The following AUTS2 variants were observed in gnomAD, a reference collection of about 807,000 sequenced individuals.
AUTS2 encodes the protein autism susceptibility gene 2 protein.
In AUTS2, 17 loss-of-function variants were observed where a neutral mutation model predicts 112.4. That is an observed-to-expected ratio of 0.15 (90% CI 0.10 to 0.23). AUTS2 has a LOEUF of 0.23. Among genes scored for constraint, AUTS2 ranks in the 10% least tolerant of loss-of-function variants. The pLI, the probability that AUTS2 is intolerant of heterozygous loss-of-function variation, is 1.00. For missense variants in AUTS2, 1,510 were observed against 1,701.6 expected, an observed-to-expected ratio of 0.89 and a Z score of 1.98; for synonymous variants, 751 against 702.7, an observed-to-expected ratio of 1.07 and a Z score of -1.09.
intron 2 of AUTS2, among the ~76,000 whole-genome samples, chr7:70,038,048 G>A (rs1801086414): frequency 6.8e-6 from 1 of 147,804 alleles, no homozygotes; most frequent in Admixed American, 7.0e-5. Flanking sequence ...GCAGGAATGA[G>A]GCAGTGGGTA....
intron 6 of AUTS2, among the ~76,000 whole-genome samples, chr7:70,708,917 C>CTTTT (rs34290500): frequency 1.5e-5 from 2 of 134,642 alleles, no homozygotes; most frequent in African/African-American, 2.8e-5. Context: ...TGTTTAAATA[C>CTTTT]TTTTTTTTTT....
At chr7:70,662,302 G>A (rs1807118121) in intron 5 of AUTS2, among the ~76,000 whole-genome samples, 1 of 152,216 alleles carries the variant, frequency 6.6e-6, no homozygotes, top group Non-Finnish European at 1.5e-5. Context: ...GCTTTATCCT[G>A]GAACAGGCAC....
At chr7:69,899,022 T>C (rs1310759333) in intron 1 of AUTS2, among the ~76,000 whole-genome samples, 1 of 152,194 alleles carries the variant, frequency 6.6e-6, no homozygotes, top group Non-Finnish European at 1.5e-5. Flanking sequence ...CAGGGAGCAG[T>C]GAAATCACTT....
At chr7:70,608,392 A>C (rs951124126) in intron 5 of AUTS2, among the ~76,000 whole-genome samples, 3 of 152,200 alleles carry the variant, frequency 2.0e-5, no homozygotes, top group Admixed American at 2.0e-4. Flanking sequence ...GGTGTGAGTC[A>C]CTGCATCCAG....
At chr7:69,632,706 G>A (rs561682312) in intron 1 of AUTS2, among the ~76,000 whole-genome samples, 10 of 151,110 alleles carry the variant, frequency 6.6e-5, no homozygotes, top group Non-Finnish European at 1.3e-4. Context: ...GCCAGCTCAC[G>A]TTTGCTAGTT....
Position 70,764,921 on chromosome 7 carries a change from C to T in AUTS2, c.1384C>T (p.Pro462Ser), listed in dbSNP as rs772174582. The change falls in exon 8 of 19, where the codon CCT becomes TCT. Residue 462 changes from proline to serine, a missense_variant. Pro to Ser is a moderately conservative substitution (Grantham distance 74). Coordinates refer to ENST00000342771, the MANE Select transcript of AUTS2 (RefSeq NM_015570.4). ...AHSHHPNMFAPPTALPPPPPL... is the reference protein window; with the variant it reads ...AHSHHPNMFASPTALPPPPPL... ...CTCACATCACCCCAATATGTTTGCC[C>T]CTCCCACTGCTCTGCCTCCTCCACC... 5 of 1,611,766 alleles carry T rather than the reference C, an allele frequency of 3.1e-6. No individual in the cohort carries two copies. Among genetic ancestry groups the T allele is most frequent in the Admixed American group, 3.3e-5 (2 of 59,794 alleles).
intron 1 of AUTS2, among the ~76,000 whole-genome samples, chr7:69,815,317 GATATCTATATATCTAT>G (rs888443035): frequency 6.6e-6 from 1 of 152,182 alleles, no homozygotes; most frequent in African/African-American, 2.4e-5. Context: ...AGGAGATATA[GATATCTATATATCTAT>G]ATATCTATAT....
At chr7:70,681,157 G>C (rs1808185271) in intron 5 of AUTS2, among the ~76,000 whole-genome samples, 1 of 152,160 alleles carries the variant, frequency 6.6e-6, no homozygotes, top group Non-Finnish European at 1.5e-5. Flanking sequence ...GCCAGCACAG[G>C]CCCATCCCAT....
At chr7:70,325,887 C>G (rs1234657603) in intron 4 of AUTS2, among the ~76,000 whole-genome samples, 1 of 152,206 alleles carries the variant, frequency 6.6e-6, no homozygotes. Flanking sequence ...CCAGCACAAG[C>G]CATCTGTCTG....
chr7:70,441,848 A>T (rs1257822257), intron 5 of AUTS2, among the ~76,000 whole-genome samples: 1 of 152,182 alleles, frequency 6.6e-6, no homozygotes, highest in Non-Finnish European at 1.5e-5. Flanking sequence ...AGGAGTCAGA[A>T]ACTGCTGAGA....
intron 5 of AUTS2, among the ~76,000 whole-genome samples, chr7:70,660,176 C>G (rs1284176707): frequency 7.8e-6 from 1 of 127,612 alleles, no homozygotes; most frequent in Non-Finnish European, 1.7e-5. Flanking sequence ...GACTCTGTCT[C>G]AAAAAAAAAA....
chr7:69,899,638 G>C (rs772845509), intron 2 of AUTS2, 140 bp downstream of exon 2: 3 of 766,532 alleles, frequency 3.9e-6, no homozygotes, highest in African/African-American at 3.5e-5. Context: ...AGCTGTGTGC[G>C]TGCCTTTAAA....
chr7:69,762,555 C>T (rs758779741), intron 1 of AUTS2, among the ~76,000 whole-genome samples: 1 of 151,834 alleles, frequency 6.6e-6, no homozygotes. Flanking sequence ...GCCATCTGCC[C>T]GCTTCGGCCT....
At chr7:70,568,007 C>G (rs114767853) in intron 5 of AUTS2, among the ~76,000 whole-genome samples, 1 of 152,158 alleles carries the variant, frequency 6.6e-6, no homozygotes, top group Admixed American at 6.5e-5. Context: ...AACATGGTAC[C>G]TGGAGATAGA....
chr7:70,233,790 A>G (rs1174631491), intron 4 of AUTS2, among the ~76,000 whole-genome samples: 1 of 152,210 alleles, frequency 6.6e-6, no homozygotes, highest in Non-Finnish European at 1.5e-5. Context: ...GGAATTTCCC[A>G]TTGCTGGTAA....
At chr7:70,269,291 G>A (rs760522999) in intron 4 of AUTS2, among the ~76,000 whole-genome samples, 5 of 152,212 alleles carry the variant, frequency 3.3e-5, no homozygotes, top group Non-Finnish European at 7.3e-5. Flanking sequence ...CCTTGCTGCA[G>A]TTCTGGCTCT....
At chr7:70,681,587 C>T (rs773740720) in intron 5 of AUTS2, among the ~76,000 whole-genome samples, 2 of 151,806 alleles carry the variant, frequency 1.3e-5, no homozygotes, top group Non-Finnish European at 2.9e-5. Context: ...AGGATTTCAG[C>T]GGTAGGCAAA....
At chr7:69,861,628 G>A (rs573084161) in intron 1 of AUTS2, among the ~76,000 whole-genome samples, 9 of 152,272 alleles carry the variant, frequency 5.9e-5, no homozygotes, top group African/African-American at 1.7e-4. Flanking sequence ...CAGATTTAAC[G>A]TTTGTTAATT....
At chr7:70,596,873 T>G (rs1803238987) in intron 5 of AUTS2, 1 of 152,146 alleles carries the variant, frequency 6.6e-6, no homozygotes, top group African/African-American at 2.4e-5. Flanking sequence ...TTTAAGCACA[T>G]TGTCTGATAG....
Sources: allele counts gnomAD v4.1 joint callset (sites outside exome capture counted in the v4.1 genomes callset), GRCh38; gene constraint gnomAD v4.1.1; transcripts MANE v1.5; gene names NCBI Gene and HGNC (gene_info 2026-07-23, HGNC 2026-07-21).